Variants in GRIK1 observed in about 807,000 individuals in gnomAD.
GRIK1 encodes glutamate ionotropic receptor kainate type subunit 1, also known as glutamate receptor ionotropic, kainate 1.
Under a neutral mutation model 105.7 loss-of-function variants are expected in GRIK1, and 69 were observed. That is an observed-to-expected ratio of 0.65 (90% CI 0.54 to 0.80). GRIK1 has a LOEUF of 0.80. Ranked by LOEUF, GRIK1 falls within the 30% of genes least tolerant of loss-of-function variation. GRIK1 has a pLI of 0.00. For synonymous variants in GRIK1, 438 were observed against 431.3 expected (o/e 1.02, Z -0.19); for missense variants, 1,109 against 1,167.3 (o/e 0.95, Z 0.73).
chr21:29,905,619 A>ATTTTTTTTTTTTTTTTTTTT (rs869179451), intron 1 of GRIK1, among the ~76,000 whole-genome samples: 1 of 72,582 alleles, frequency 1.4e-5, no homozygotes, highest in Non-Finnish European at 2.5e-5. Context: ...CAAATTTTGT[A>ATTTTTTTTTTTTTTTTTTTT]TTTTTTTTTT....
intron 15 of GRIK1, among the ~76,000 whole-genome samples, chr21:29,560,339 CTT>C (rs1568813003): frequency 3.5e-5 from 4 of 115,682 alleles, no homozygotes; most frequent in African/African-American, 1.5e-4. Flanking sequence ...TTCTTTCTTT[CTT>C]TCTTTCTTTC....
intron 6 of GRIK1, among the ~76,000 whole-genome samples, chr21:29,649,499 C>T (rs565294219): frequency 6.6e-6 from 1 of 152,292 alleles, no homozygotes; most frequent in African/African-American, 2.4e-5. Context: ...TCCACTGGGA[C>T]TCAACCTTAT....
intron 7 of GRIK1, among the ~76,000 whole-genome samples, chr21:29,628,816 A>G (rs576688976): frequency 4.7e-4 from 71 of 152,346 alleles, no homozygotes; most frequent in South Asian, 1.0e-3. Context: ...CATATTAATC[A>G]TATAATTGTC....
intron 17 of GRIK1, 73 bp from the exon 18 acceptor site, chr21:29,537,458 A>G: frequency 8.2e-7 from 1 of 1,224,212 alleles, no homozygotes; most frequent in East Asian, 2.4e-5. Flanking sequence ...CCTCTTGCCT[A>G]GGTATTTATG....
Position 29,927,723 on chromosome 21 carries a change from T to G in GRIK1, c.118+11660A>C, listed in dbSNP as rs530420481. On this transcript the variant is annotated intron_variant, in intron 1 of 17. Transcript: ENST00000327783. ...CCGTCTCTACTAAAAATACAAAAAT[T>G]AGCCAGGCGTGGTGGCATGTGCCTG... is the stretch of plus-strand genomic sequence containing the variant. Among the ~76,000 whole-genome samples the G allele has an allele frequency of 2.0e-5, 3 of 151,852 alleles. No homozygotes were observed. In the East Asian group the frequency reaches 5.8e-4, roughly 29 times the overall value.
At chr21:29,785,576 A>T (rs2066237397) in intron 1 of GRIK1, among the ~76,000 whole-genome samples, 1 of 151,578 alleles carries the variant, frequency 6.6e-6, no homozygotes. Context: ...AAAAAAAAAA[A>T]AAAAAAAAGC....
At chr21:29,628,296 C>T (rs2062179672) in intron 7 of GRIK1, among the ~76,000 whole-genome samples, 1 of 152,164 alleles carries the variant, frequency 6.6e-6, no homozygotes, top group South Asian at 2.1e-4. Context: ...CCTAGGATGT[C>T]AGCTATTTCA....
At chr21:29,778,409 C>A (rs541590815) in intron 1 of GRIK1, among the ~76,000 whole-genome samples, 3 of 152,270 alleles carry the variant, frequency 2.0e-5, no homozygotes, top group African/African-American at 7.2e-5. Context: ...AAGATTCTAG[C>A]GCAGTTCCTT....
In GRIK1 at chr21:29,687,123, C is replaced by T. The variant is rs113501781; in HGVS notation, c.544+2605G>A. On this transcript the variant is annotated intron_variant, in intron 3 of 17. Coordinates refer to ENST00000327783, the MANE Select transcript of GRIK1 (RefSeq NM_001330994.2). ...CAGAATTCTGCTTGCTAGTATTTAG[C>T]GAATTGAATTTTGTCCTTAGAGACG... 3.9e-5 allele frequency among the ~76,000 whole-genome samples: 6 copies of T among 152,274 alleles called. 1 individual carries two copies. Among genetic ancestry groups the T allele is most frequent in the African/African-American group, 9.6e-5 (4 of 41,560 alleles).
chr21:29,642,287 C>T (rs1275653092), intron 7 of GRIK1, among the ~76,000 whole-genome samples: 1 of 152,212 alleles, frequency 6.6e-6, no homozygotes, highest in African/African-American at 2.4e-5. Flanking sequence ...GCAAATACCC[C>T]ATACTCTCAA....
At chr21:29,574,683 C>CTTTTT (rs71191118) in intron 14 of GRIK1, among the ~76,000 whole-genome samples, 17 of 98,404 alleles carry the variant, frequency 1.7e-4, no homozygotes, top group African/African-American at 2.2e-4. Context: ...TGATACACTT[C>CTTTTT]TTTTTTTTTT....
chr21:29,937,454 G>C (rs1233705159), intron 1 of GRIK1, among the ~76,000 whole-genome samples: 2 of 152,212 alleles, frequency 1.3e-5, no homozygotes, highest in African/African-American at 4.8e-5. Context: ...TGTAAGGTCA[G>C]TGAATCATGT....
At chr21:29,625,719 C>T (rs1321483766) in intron 7 of GRIK1, among the ~76,000 whole-genome samples, 1 of 152,192 alleles carries the variant, frequency 6.6e-6, no homozygotes, top group Non-Finnish European at 1.5e-5. Flanking sequence ...TCTGCTTCCT[C>T]AAAGTTAGGG....
chr21:29,666,550 G>A (rs1408095612), intron 4 of GRIK1, among the ~76,000 whole-genome samples: 1 of 152,040 alleles, frequency 6.6e-6, no homozygotes, highest in African/African-American at 2.4e-5. Flanking sequence ...CAGAGATTTG[G>A]GTTTTTATTC....
At chr21:29,809,536 T>G (rs1448486329) in intron 1 of GRIK1, among the ~76,000 whole-genome samples, 1 of 152,216 alleles carries the variant, frequency 6.6e-6, no homozygotes, top group Non-Finnish European at 1.5e-5. Flanking sequence ...TAAGAGGCTC[T>G]TGCGGCTGGT....
chr21:29,845,743 C>T (rs2068094111), intron 1 of GRIK1, among the ~76,000 whole-genome samples: 1 of 152,108 alleles, frequency 6.6e-6, no homozygotes, highest in East Asian at 1.9e-4. Context: ...GCACTATCTA[C>T]ACCCATGTTC....
intron 3 of GRIK1, among the ~76,000 whole-genome samples, chr21:29,674,670 CTT>C (rs1198490090): frequency 6.6e-6 from 1 of 152,098 alleles, no homozygotes; most frequent in Non-Finnish European, 1.5e-5. Flanking sequence ...CTCTCTCTCT[CTT>C]CTGCCAACAT....
chr21:29,915,922 GAGAA>G lies in GRIK1; in HGVS notation c.118+23457_118+23460del, dbSNP rs775972401. ...TCTAGCATGTCTTACTCTTTTCAGA[GAGAA>G]AGAAAACACTCATTAAAACCTCATG... On this transcript the variant is annotated intron_variant, in intron 1 of 17. Coordinates refer to ENST00000327783, the MANE Select transcript of GRIK1 (RefSeq NM_001330994.2). Among the ~76,000 whole-genome samples the G allele has an allele frequency of 5.9e-5, 9 of 151,988 alleles. No individual in the cohort carries two copies. The East Asian group carries it at 1.4e-3, about 23-fold the overall frequency.
intron 14 of GRIK1, among the ~76,000 whole-genome samples, chr21:29,574,993 C>G (rs1427232751): frequency 6.6e-6 from 1 of 151,952 alleles, no homozygotes; most frequent in Non-Finnish European, 1.5e-5. Flanking sequence ...CGCGCCCGGC[C>G]TAAATAAATG....
Sources: allele counts gnomAD v4.1 joint callset (sites outside exome capture counted in the v4.1 genomes callset), GRCh38; gene constraint gnomAD v4.1.1; transcripts MANE v1.5; gene names NCBI Gene and HGNC (gene_info 2026-07-23, HGNC 2026-07-21).